MTOR: variants seen among roughly 807,000 people sequenced by gnomAD.
The protein encoded by MTOR is mechanistic target of rapamycin kinase.
A neutral mutation model predicts 319.8 loss-of-function variants in MTOR; 70 were observed. That is an observed-to-expected ratio of 0.22 (90% CI 0.18 to 0.27). The LOEUF (loss-of-function observed/expected upper bound fraction) is 0.27, where lower values mean the gene tolerates loss of function less well. Among genes scored for constraint, MTOR ranks in the 10% least tolerant of loss-of-function variants. The pLI is 1.00. For missense variants in MTOR, 1,890 were observed against 3,274.4 expected, an observed-to-expected ratio of 0.58 and a Z score of 10.32; for synonymous variants, 1,183 against 1,211.4, an observed-to-expected ratio of 0.98 and a Z score of 0.49.
intron 57 of MTOR, 61 bp downstream of exon 57, chr1:11,108,120 G>A: frequency 6.6e-6 from 9 of 1,358,346 alleles, no homozygotes; most frequent in South Asian, 1.2e-5. Context: ...TCTGGCTTTG[G>A]GGCCTAGGCT....
At chr1:11,159,128 C>G (rs1233645487) in intron 29 of MTOR, among the ~76,000 whole-genome samples, 1 of 152,148 alleles carries the variant, frequency 6.6e-6, no homozygotes, top group East Asian at 1.9e-4. Context: ...CACCTGAATA[C>G]CAGATGTCTG....
rs568687445 is a variant in MTOR at position 11,206,082 on chromosome 1, C to T, written c.3802-1379G>A. 4.6e-5 allele frequency among the ~76,000 whole-genome samples: 7 copies of T among 152,282 alleles called. No individual in the cohort carries two copies. The South Asian group carries it at 6.2e-4, about 14-fold the overall frequency. ...CTAAATAATACCACTGACCATACAA[C>T]GAGAACCTCTGAATGAGAAGGAAGA... On this transcript the variant is annotated intron_variant, in intron 25 of 57. Coordinates refer to ENST00000361445, the MANE Select transcript of MTOR (RefSeq NM_004958.4).
chr1:11,162,328 G>A (rs1644503234), intron 29 of MTOR, among the ~76,000 whole-genome samples: 1 of 152,204 alleles, frequency 6.6e-6, no homozygotes, highest in African/African-American at 2.4e-5. Context: ...AAGTGACGGG[G>A]AGTGAAATAG....
At chr1:11,256,797 A>ACCCCATCT in intron 4 of MTOR, 136 bp downstream of exon 4, 1 of 789,426 alleles carries the variant, frequency 1.3e-6, no homozygotes, top group Non-Finnish European at 2.1e-6. Context: ...GACGGACTCT[A>ACCCCATCT]CCCCATCTCA....
chr1:11,216,266 T>A lies in MTOR; in HGVS notation c.3031-32A>T, dbSNP rs1475078340. 7 of 1,563,400 alleles carry A rather than the reference T, an allele frequency of 4.5e-6. No homozygotes were observed. In the South Asian group the frequency reaches 6.7e-5, roughly 15 times the overall value. ...TGGACAAGAGGTCAACCAGCTGGTA[T>A]CATGAAGGACATTGAACCCCCAGGC... On this transcript the variant is annotated intron_variant, in intron 19 of 57. Coordinates refer to ENST00000361445, the MANE Select transcript of MTOR (RefSeq NM_004958.4).
In MTOR at chr1:11,212,687, G is replaced by C. The variant is rs765746385; in HGVS notation, c.3398+109C>G. The stretch of plus-strand genomic sequence containing the variant: ...ATATTTCTAGACTAAAATAATGTGA[G>C]TTGAAATAACAAAAAAAATAGAAAG... On this transcript the variant is annotated intron_variant, in intron 22 of 57. Transcript: ENST00000361445. The surrounding 1 kb of genome is among the most constrained non-coding windows in gnomAD (Gnocchi z 4.1). 10 of 1,148,708 alleles carry C rather than the reference G, an allele frequency of 8.7e-6. No individual in the cohort carries two copies. Among genetic ancestry groups the C allele is most frequent in the Non-Finnish European group, 1.3e-5 (10 of 786,870 alleles). The allele number at this position is 1,148,708 out of a possible 1,614,324, so 71.2% of individuals were successfully genotyped here.
intron 34 of MTOR, among the ~76,000 whole-genome samples, chr1:11,140,978 C>T (rs1643670321): frequency 9.8e-6 from 1 of 101,882 alleles, no homozygotes. Context: ...TCCATTAAGA[C>T]TTCTGAAAAA....
rs1340545070 is a variant in MTOR at position 11,121,414 on chromosome 1, G to A, written c.6811-46C>T. On this transcript the variant is annotated intron_variant, in intron 48 of 57. Coordinates refer to ENST00000361445, the MANE Select transcript of MTOR (RefSeq NM_004958.4). This position sits in a 1 kb window ranked among gnomAD's most constrained non-coding sequence, Gnocchi z 4.9. ...TCAGTAAGAGAGCAGCCTAAGACATGTAGTTTGGGTCCAGGAAGAAACAAG... is the reference window on the plus strand; with the variant it reads ...TCAGTAAGAGAGCAGCCTAAGACATATAGTTTGGGTCCAGGAAGAAACAAG... 2 of 1,608,134 alleles carry A rather than the reference G, an allele frequency of 1.2e-6. No homozygotes were observed. Among genetic ancestry groups the A allele is most frequent in the East Asian group, 2.2e-5 (1 of 44,802 alleles).
At chr1:11,179,275 G>A (rs1645076230) in intron 28 of MTOR, among the ~76,000 whole-genome samples, 1 of 152,140 alleles carries the variant, frequency 6.6e-6, no homozygotes, top group Non-Finnish European at 1.5e-5. Context: ...CTGAAATTGG[G>A]ATGCAGCATA....
At chr1:11,174,196 C>A (rs1644913448) in intron 28 of MTOR, among the ~76,000 whole-genome samples, 1 of 152,126 alleles carries the variant, frequency 6.6e-6, no homozygotes. Flanking sequence ...ATACTGCAAG[C>A]TCTGCAATGG....
intron 31 of MTOR, among the ~76,000 whole-genome samples, chr1:11,148,879 C>A (rs1194153452): frequency 1.3e-5 from 2 of 151,014 alleles, no homozygotes; most frequent in East Asian, 3.9e-4. Flanking sequence ...GCCTGGGTGA[C>A]AGAGCGAGAC....
rs1366047152 is a variant in MTOR, at chr1:11,243,174, T to G, written c.1352A>C (p.Tyr451Ser). The G allele has an allele frequency of 6.2e-7, 1 of 1,614,036 alleles. No homozygotes were observed. The highest frequency in any genetic ancestry group is 8.5e-7 in the Non-Finnish European group (1 of 1,180,014). ...GATGATGTCCAGCACGCGAGGCAAA[T>G]AGACCTTAAACTCAGACCTCACAGC... ...SVAVRSEFKV[Y>S]LPRVLDIIRA... Residue 451 changes from tyrosine to serine, a missense_variant, in exon 9 of 58, where the codon TAT (tyrosine) becomes TCT (serine). Physicochemically the swap from Tyr to Ser is moderately radical, Grantham distance 144. Coordinates refer to ENST00000361445, the MANE Select transcript of MTOR (RefSeq NM_004958.4).
chr1:11,235,851 G>A (rs2024626), intron 13 of MTOR, among the ~76,000 whole-genome samples: 9,019 of 151,926 alleles, frequency 0.059, 381 homozygotes, highest in South Asian at 0.12. Context: ...GCGTGGTGGC[G>A]GGCGCCTGTA....
intron 19 of MTOR, among the ~76,000 whole-genome samples, chr1:11,218,565 G>T (rs972205379): frequency 6.6e-6 from 1 of 152,172 alleles, no homozygotes; most frequent in Admixed American, 6.5e-5. Context: ...CTACAGCGAT[G>T]GCGGGGAGGT....
intron 19 of MTOR, among the ~76,000 whole-genome samples, chr1:11,227,419 ACATGC>A (rs1163597646): frequency 6.6e-6 from 1 of 152,166 alleles, no homozygotes; most frequent in African/African-American, 2.4e-5. Flanking sequence ...ATTTCTAAAA[ACATGC>A]TATCTCCTCT....
At chr1:11,182,126 A>C (rs1440905924) in intron 28 of MTOR, among the ~76,000 whole-genome samples, 1 of 152,084 alleles carries the variant, frequency 6.6e-6, no homozygotes, top group Non-Finnish European at 1.5e-5. Context: ...CTGAGGCAAG[A>C]GAATTGCTTG....
intron 29 of MTOR, among the ~76,000 whole-genome samples, chr1:11,158,173 A>G (rs1408374415): frequency 4.6e-5 from 7 of 152,316 alleles, no homozygotes; most frequent in Non-Finnish European, 1.5e-5. Context: ...CATCAGCTCA[A>G]TAAATGACTA....
intron 34 of MTOR, 36 bp downstream of exon 34, chr1:11,144,612 G>A (rs2100505001): frequency 6.3e-7 from 1 of 1,592,148 alleles, no homozygotes; most frequent in Non-Finnish European, 8.6e-7. Flanking sequence ...AGGGGTAGGG[G>A]TAGGTGGGTG....
Position 11,127,169 on chromosome 1 carries a change from T to C in MTOR, c.6217-25A>G, listed in dbSNP as rs1478294096. The C allele has an allele frequency of 6.2e-7, 1 of 1,612,786 alleles. No homozygotes were observed. Reference sequence around the variant, plus strand: ...CCTGAGAGAGAAAGCAGGCACGTTTTCAAGTTATCAAAGTCTCAACCAACC... The same window carrying C: ...CCTGAGAGAGAAAGCAGGCACGTTTCCAAGTTATCAAAGTCTCAACCAACC... On this transcript the variant is annotated intron_variant, in intron 44 of 57. Transcript: ENST00000361445. The surrounding 1 kb of genome is among the most constrained non-coding windows in gnomAD (Gnocchi z 5.5).
Sources: allele counts gnomAD v4.1 joint callset (sites outside exome capture counted in the v4.1 genomes callset), GRCh38; gene constraint gnomAD v4.1.1; non-coding constraint Gnocchi (gnomAD v3.1); transcripts MANE v1.5; gene names NCBI Gene and HGNC (gene_info 2026-07-23, HGNC 2026-07-21).